The following BRINP1 variants were observed in gnomAD, a reference collection of about 807,000 sequenced individuals.
BRINP1 encodes BMP/retinoic acid-inducible neural-specific protein 1.
In BRINP1, 17 loss-of-function variants were observed where a neutral mutation model predicts 72.9. The observed-to-expected ratio is 0.23, with a 90% confidence interval of 0.16 to 0.35. The LOEUF (loss-of-function observed/expected upper bound fraction) is 0.35. Ranked by LOEUF, BRINP1 falls within the 10% of genes least tolerant of loss-of-function variation. The pLI is 1.00. For missense variants in BRINP1, 850 were observed against 1,001.6 expected, an observed-to-expected ratio of 0.85 and a Z score of 2.04; for synonymous variants, 418 against 378.5, an observed-to-expected ratio of 1.10 and a Z score of -1.21.
intron 7 of BRINP1, among the ~76,000 whole-genome samples, chr9:119,181,034 G>A (rs1388040430): frequency 3.9e-5 from 6 of 152,160 alleles, no homozygotes; most frequent in African/African-American, 1.2e-4. Context: ...TGTCTGGAAG[G>A]AGGTGACAGG....
At chr9:119,247,831 C>T (rs531668356) in intron 3 of BRINP1, among the ~76,000 whole-genome samples, 126 of 152,126 alleles carry the variant, frequency 8.3e-4, no homozygotes, top group Non-Finnish European at 1.5e-3. Flanking sequence ...ATGACATGTG[C>T]AGTTTTGAGG....
chr9:119,214,585 GA>G (rs1640872085), intron 5 of BRINP1, among the ~76,000 whole-genome samples: 1 of 99,246 alleles, frequency 1.0e-5, no homozygotes, highest in Non-Finnish European at 2.1e-5. Context: ...GGCCTGTAGA[GA>G]TAAAAAAAAA....
Position 119,195,217 on chromosome 9 carries a change from C to A in BRINP1, c.1145+13502G>T, listed in dbSNP as rs1430301817. The stretch of plus-strand genomic sequence containing the variant: ...GGGCACTCATTGTCTTGCTCACCCC[C>A]CTACCACTTGTATCCCGCCTGGCAC... On this transcript the variant is annotated intron_variant, in intron 7 of 7. Transcript: ENST00000265922. Among the ~76,000 whole-genome samples, 15 of 152,240 alleles carry A rather than the reference C, an allele frequency of 9.9e-5. No individual in the cohort carries two copies. In the East Asian group the frequency reaches 2.9e-3, roughly 29 times the overall value.
intron 2 of BRINP1, among the ~76,000 whole-genome samples, chr9:119,274,666 A>G (rs751074387): frequency 1.3e-5 from 2 of 152,172 alleles, no homozygotes; most frequent in Non-Finnish European, 2.9e-5. Flanking sequence ...TCTATTTCAC[A>G]GGTCAGCCCC....
At chr9:119,278,842 T>C (rs759801118) in intron 2 of BRINP1, among the ~76,000 whole-genome samples, 18 of 152,112 alleles carry the variant, frequency 1.2e-4, no homozygotes, top group Non-Finnish European at 2.4e-4. Context: ...GAGCCGAGAT[T>C]GCGCCACTGC....
chr9:119,334,302 T>C (rs1283326399), intron 1 of BRINP1, among the ~76,000 whole-genome samples: 1 of 152,208 alleles, frequency 6.6e-6, no homozygotes, highest in African/African-American at 2.4e-5. Flanking sequence ...CACCTTCGAA[T>C]TGAGGGGTAC....
intron 5 of BRINP1, among the ~76,000 whole-genome samples, chr9:119,228,317 T>C (rs775860282): frequency 1.2e-4 from 18 of 152,000 alleles, no homozygotes; most frequent in Admixed American, 6.6e-4. Context: ...CACACACACA[T>C]AGGAATTATA....
chr9:119,171,006 G>A (rs230091), intron 7 of BRINP1, among the ~76,000 whole-genome samples: 2,418 of 136,266 alleles, frequency 0.018, 18 homozygotes, highest in African/African-American at 0.076. Flanking sequence ...AGGAACAACC[G>A]GTACCAGCCG....
At chr9:119,290,503 G>C (rs1014858608) in intron 2 of BRINP1, among the ~76,000 whole-genome samples, 7 of 152,130 alleles carry the variant, frequency 4.6e-5, no homozygotes, top group African/African-American at 1.7e-4. Flanking sequence ...GAAACAAACT[G>C]GTAGGGAAGG....
chr9:119,203,719 C>T (rs1361017567), intron 7 of BRINP1, among the ~76,000 whole-genome samples: 1 of 152,186 alleles, frequency 6.6e-6, no homozygotes, highest in Non-Finnish European at 1.5e-5. Flanking sequence ...AGAATCTTTA[C>T]AAATAGACAA....
intron 7 of BRINP1, among the ~76,000 whole-genome samples, chr9:119,177,251 C>T (rs1829499858): frequency 6.6e-6 from 1 of 152,194 alleles, no homozygotes; most frequent in South Asian, 2.1e-4. Flanking sequence ...CAGCTCCAGG[C>T]CTCCCCAGTT....
chr9:119,193,719 T>C lies in BRINP1; in HGVS notation c.1145+15000A>G, dbSNP rs114307742. ...AATAAAGTGCTTGCAAAAAAATTAA[T>C]GTTTTACACTGGAAAAATGAACAAA... On this transcript the variant is annotated intron_variant, in intron 7 of 7. Transcript: ENST00000265922. Among the ~76,000 whole-genome samples, 180 of 152,326 alleles carry C rather than the reference T, an allele frequency of 1.2e-3. 1 individual carries two copies. The highest frequency in any genetic ancestry group is 4.1e-3 in the African/African-American group (172 of 41,572).
At chr9:119,305,397 A>T (rs1219938277) in intron 2 of BRINP1, among the ~76,000 whole-genome samples, 1 of 152,214 alleles carries the variant, frequency 6.6e-6, no homozygotes, top group African/African-American at 2.4e-5. Flanking sequence ...AGATTGGTTG[A>T]AATCCATGTG....
chr9:119,251,292 G>A (rs1475434908), intron 2 of BRINP1, among the ~76,000 whole-genome samples: 1 of 152,220 alleles, frequency 6.6e-6, no homozygotes, highest in Non-Finnish European at 1.5e-5. Context: ...GAAGCTCACA[G>A]TCTGGAAGAC....
intron 2 of BRINP1, among the ~76,000 whole-genome samples, chr9:119,256,900 T>G (rs1224340468): frequency 6.6e-6 from 1 of 152,190 alleles, no homozygotes; most frequent in African/African-American, 2.4e-5. Context: ...TTCGCTTACA[T>G]GAATCTGATC....
At chr9:119,268,249 T>TA (rs985393546) in intron 2 of BRINP1, among the ~76,000 whole-genome samples, 1 of 41,542 alleles carries the variant, frequency 2.4e-5, no homozygotes, top group African/African-American at 2.2e-4. Context: ...TCTCAATAAA[T>TA]AGATAGATAG....
At position 119,270,206 on chromosome 9, in the gene BRINP1, G is replaced by A. The variant is rs147287917; in HGVS notation, c.219-21056C>T. ...GCAAGGAGTAATAGCGGGTAATGTT[G>A]GGGAGAAAACAAGGGACTGACCATG... On this transcript the variant is annotated intron_variant, in intron 2 of 7. Transcript: ENST00000265922. Among the ~76,000 whole-genome samples the A allele has an allele frequency of 8.5e-3, 1,300 of 152,162 alleles. 16 individuals are homozygous for A. The highest frequency in any genetic ancestry group is 0.029 in the African/African-American group (1,211 of 41,502).
chr9:119,368,621 ATACAAACACATACG>A lies in BRINP1; in HGVS notation c.-51+421_-51+434del, dbSNP rs1265376431. Among the ~76,000 whole-genome samples the A allele has an allele frequency of 6.6e-6, 1 of 152,110 alleles. No individual in the cohort carries two copies. Among genetic ancestry groups the A allele is most frequent in the African/African-American group, 2.4e-5 (1 of 41,412 alleles). On this transcript the variant is annotated intron_variant, in intron 1 of 7. Transcript: ENST00000265922. The surrounding 1 kb of genome is among the most constrained non-coding windows in gnomAD (Gnocchi z 4.7). ...ATTAAAAAGACACACGAGGGCACACATACAAACACATACGTACAAACATGCACACACACATCGCG... is the reference window on the plus strand; with the variant it reads ...ATTAAAAAGACACACGAGGGCACACATACAAACATGCACACACACATCGCG...
chr9:119,344,556 G>A (rs995735809), intron 1 of BRINP1, among the ~76,000 whole-genome samples: 4 of 152,178 alleles, frequency 2.6e-5, no homozygotes, highest in African/African-American at 9.7e-5. Flanking sequence ...ACAGCCTCTA[G>A]TACAAGGAAC....
Sources: gnomAD v4.1 joint callset for allele counts (sites outside exome capture counted in the v4.1 genomes callset) on GRCh38, gnomAD v4.1.1 for gene constraint, Gnocchi (gnomAD v3.1) non-coding constraint, MANE v1.5 for transcripts, NCBI Gene and HGNC (gene_info 2026-07-23, HGNC 2026-07-21) for gene names.